DCC: variants seen among roughly 807,000 people sequenced by gnomAD.
DCC encodes the protein DCC netrin 1 receptor.
Under a neutral mutation model 172.5 loss-of-function variants are expected in DCC, and 58 were observed. That is an observed-to-expected ratio of 0.34 (90% CI 0.27 to 0.42). DCC has a LOEUF of 0.42. DCC is among the 10% of genes least tolerant of loss of function. The pLI, the probability that DCC is intolerant of heterozygous loss-of-function variation, is 1.00. For synonymous variants in DCC, 709 were observed against 644.5 expected (o/e 1.10, Z -1.52); for missense variants, 1,740 against 1,791.0 (o/e 0.97, Z 0.51).
chr18:53,282,893 C>G (rs2056890047), intron 12 of DCC, among the ~76,000 whole-genome samples: 1 of 152,026 alleles, frequency 6.6e-6, no homozygotes, highest in Non-Finnish European at 1.5e-5. Flanking sequence ...AGTCATTAAT[C>G]CTAGAAAAAA....
chr18:53,188,759 G>A (rs968143119), intron 9 of DCC, among the ~76,000 whole-genome samples: 2 of 152,112 alleles, frequency 1.3e-5, no homozygotes, highest in Non-Finnish European at 1.5e-5. Flanking sequence ...CTCTGAAAAT[G>A]CTTCAGAAAA....
At chr18:52,783,338 T>A (rs1423799063) in intron 2 of DCC, among the ~76,000 whole-genome samples, 10 of 89,586 alleles carry the variant, frequency 1.1e-4, no homozygotes, top group South Asian at 4.8e-4. Flanking sequence ...TTTTTTTTTT[T>A]TTTTTTTTTT....
chr18:52,594,082 C>A (rs888652280), intron 1 of DCC, among the ~76,000 whole-genome samples: 1 of 152,120 alleles, frequency 6.6e-6, no homozygotes, highest in Non-Finnish European at 1.5e-5. Flanking sequence ...ATTCTTTCTT[C>A]TATTCTTTTA....
In DCC at chr18:52,492,356, TAA is replaced by T. The variant is rs1029691757; in HGVS notation, c.91+151479_91+151480del. 1.2e-4 allele frequency among the ~76,000 whole-genome samples: 18 copies of T among 151,972 alleles called. 1 individual carries two copies. The South Asian group carries it at 3.7e-3, about 32-fold the overall frequency. ...AAACCAGGGTACTCTACAATATTGA[TAA>T]GAGTGGTCAACGAAGGTGTGGGAGA... is the stretch of plus-strand genomic sequence containing the variant. On this transcript the variant is annotated intron_variant, in intron 1 of 28. Transcript: ENST00000442544.
chr18:53,076,164 A>G (rs911999491), intron 7 of DCC, among the ~76,000 whole-genome samples: 1 of 152,164 alleles, frequency 6.6e-6, no homozygotes, highest in Non-Finnish European at 1.5e-5. Context: ...CACAAGACGT[A>G]TGATACAACA....
At chr18:53,239,409 T>C (rs2056255464) in intron 12 of DCC, among the ~76,000 whole-genome samples, 1 of 152,118 alleles carries the variant, frequency 6.6e-6, no homozygotes, top group South Asian at 2.1e-4. Flanking sequence ...TTCAGTTTTC[T>C]TCCTTGTTTC....
At chr18:53,462,983 G>A (rs1346686598) in intron 24 of DCC, among the ~76,000 whole-genome samples, 2 of 152,250 alleles carry the variant, frequency 1.3e-5, no homozygotes, top group African/African-American at 4.8e-5. Context: ...CCTCTGCTTA[G>A]ATAGACTCGG....
At chr18:53,390,095 T>A (rs1908442366) in intron 16 of DCC, among the ~76,000 whole-genome samples, 1 of 152,192 alleles carries the variant, frequency 6.6e-6, no homozygotes, top group South Asian at 2.1e-4. Context: ...GATGAATGAT[T>A]GGAATCCTTG....
At chr18:52,651,008 A>G (rs189449579) in intron 1 of DCC, among the ~76,000 whole-genome samples, 318 of 152,344 alleles carry the variant, frequency 2.1e-3, no homozygotes, top group African/African-American at 7.2e-3. Flanking sequence ...TATTGCTTTC[A>G]TTCTTTTTTT....
chr18:53,055,991 G>C (rs1008079991), intron 5 of DCC, among the ~76,000 whole-genome samples: 3 of 152,078 alleles, frequency 2.0e-5, no homozygotes, highest in Admixed American at 2.0e-4. Context: ...CCGTTACCTA[G>C]AATGAGAATT....
chr18:52,732,294 T>C (rs902743332), intron 1 of DCC, among the ~76,000 whole-genome samples: 5 of 152,148 alleles, frequency 3.3e-5, no homozygotes, highest in African/African-American at 4.8e-5. Context: ...AGAGTACTAA[T>C]AGCACTCTAA....
chr18:53,435,415 T>A (rs1384886000), intron 22 of DCC, among the ~76,000 whole-genome samples: 1 of 151,980 alleles, frequency 6.6e-6, no homozygotes, highest in African/African-American at 2.4e-5. Context: ...TGCCAGGAGA[T>A]GATGCCAATA....
chr18:53,464,982 A>T (rs1401786630), intron 24 of DCC, among the ~76,000 whole-genome samples: 2 of 148,954 alleles, frequency 1.3e-5, no homozygotes, highest in African/African-American at 4.9e-5. Context: ...TCAATCTCAA[A>T]AAAAAAAAAA....
At chr18:53,170,254 G>T (rs1434676763) in intron 8 of DCC, among the ~76,000 whole-genome samples, 4 of 152,138 alleles carry the variant, frequency 2.6e-5, no homozygotes, top group Non-Finnish European at 5.9e-5. Context: ...GCTGTACTGT[G>T]GAACTCAGGG....
chr18:52,846,608 A>AACAC (rs71175524), intron 2 of DCC, among the ~76,000 whole-genome samples: 34,373 of 130,076 alleles, frequency 0.26, 5,237 homozygotes, highest in Non-Finnish European at 0.33. Context: ...TGCCACTCCA[A>AACAC]ACACACACAC....
rs191548496 is a variant in DCC, at chr18:53,268,035, C to T, written c.1912-37543C>T. 2.9e-3 allele frequency among the ~76,000 whole-genome samples: 448 copies of T among 152,254 alleles called. 4 individuals carry two copies. The highest frequency in any genetic ancestry group is 0.022 in the Admixed American group (335 of 15,282). On this transcript the variant is annotated intron_variant, in intron 12 of 28. Coordinates refer to ENST00000442544, the MANE Select transcript of DCC (RefSeq NM_005215.4). Reference sequence around the variant, plus strand: ...TGAGCACCTTATTGCAAACTTATTACTTTGGGGGGTAGCTGAGAGCTTCCA... The same window carrying T: ...TGAGCACCTTATTGCAAACTTATTATTTTGGGGGGTAGCTGAGAGCTTCCA...
chr18:53,279,655 A>G (rs1478481533), intron 12 of DCC, among the ~76,000 whole-genome samples: 4 of 151,802 alleles, frequency 2.6e-5, no homozygotes, highest in Non-Finnish European at 5.9e-5. Context: ...AATAAAAAAA[A>G]AAAAAAAAAC....
intron 5 of DCC, among the ~76,000 whole-genome samples, chr18:52,985,209 T>A (rs1459835250): frequency 1.3e-5 from 2 of 152,142 alleles, no homozygotes; most frequent in African/African-American, 4.8e-5. Flanking sequence ...GCTTCCTCCA[T>A]GCTTGGGTTT....
At chr18:52,648,678 T>C (rs2035065332) in intron 1 of DCC, among the ~76,000 whole-genome samples, 2 of 152,072 alleles carry the variant, frequency 1.3e-5, no homozygotes, top group Non-Finnish European at 2.9e-5. Flanking sequence ...CAATCCGAGG[T>C]CTATTATTAC....
Sources: allele counts gnomAD v4.1 joint callset (sites outside exome capture counted in the v4.1 genomes callset), GRCh38; gene constraint gnomAD v4.1.1; transcripts MANE v1.5; gene names NCBI Gene and HGNC (gene_info 2026-07-23, HGNC 2026-07-21).